Variants in GEMIN8 observed in about 807,000 individuals in gnomAD.
GEMIN8 encodes gem-associated protein 8.
For missense variants in GEMIN8, 185 were observed against 205.9 expected (o/e 0.90, Z 0.62); for synonymous variants, 80 against 78.5 (o/e 1.02, Z -0.10).
chrX:13,999,097 C>A, the GEMIN8 span, among the ~76,000 whole-genome samples: 1 of 110,648 alleles, frequency 9.0e-6, no homozygotes, highest in East Asian at 2.8e-4. Context: ...TTAAAGCCTT[C>A]TTATTTTGGA....
chrX:14,026,822 A>G (rs1052310115), intron 1 of GEMIN8, among the ~76,000 whole-genome samples: 1 of 112,819 alleles, frequency 8.9e-6, no homozygotes, highest in African/African-American at 3.2e-5. Flanking sequence ...TTTCTACTAG[A>G]ATTCTAAAAA....
chrX:13,991,955 G>C, the GEMIN8 span, among the ~76,000 whole-genome samples: 1 of 111,987 alleles, frequency 8.9e-6, no homozygotes, highest in African/African-American at 3.2e-5. Flanking sequence ...GCAATGAAGA[G>C]AAGCTTGAAG....
the GEMIN8 span, among the ~76,000 whole-genome samples, chrX:14,000,705 C>T: frequency 2.7e-5 from 3 of 111,107 alleles, no homozygotes; most frequent in East Asian, 8.4e-4. Flanking sequence ...GAAGATTTGT[C>T]TCTTCTCTCC....
chrX:14,017,825 T>C (rs1361218475), intron 4 of GEMIN8, among the ~76,000 whole-genome samples: 2 of 112,424 alleles, frequency 1.8e-5, no homozygotes, highest in African/African-American at 6.5e-5. Context: ...CAATTACCTC[T>C]GGAAAGACCC....
At chrX:14,018,681 T>C (rs1474288208) in intron 4 of GEMIN8, among the ~76,000 whole-genome samples, 1 of 111,985 alleles carries the variant, frequency 8.9e-6, no homozygotes, top group African/African-American at 3.2e-5. Context: ...AAGTATTCTG[T>C]GTGTAATAGA....
At chrX:14,001,807 G>A (rs1004400385), downstream of GEMIN8, among the ~76,000 whole-genome samples, 1 of 102,366 alleles carries the variant, frequency 9.8e-6, no homozygotes, top group Non-Finnish European at 2.0e-5. Context: ...CACCATGCCC[G>A]GCCCCAACAT....
chrX:14,026,584 G>A (rs1924709851), intron 1 of GEMIN8, among the ~76,000 whole-genome samples: 1 of 112,494 alleles, frequency 8.9e-6, no homozygotes. Flanking sequence ...GAGCTTTGTA[G>A]TTTTCAATGG....
At chrX:14,003,236 G>GT (rs1923032832), downstream of GEMIN8, among the ~76,000 whole-genome samples, 1 of 112,548 alleles carries the variant, frequency 8.9e-6, no homozygotes, top group African/African-American at 3.2e-5. Flanking sequence ...TTGAAGACAT[G>GT]TACCTTCCAC....
Position 14,008,885 on chromosome X carries a change from G to A in GEMIN8, c.*28C>T. Reference sequence around the variant, plus strand: ...AGAGCGTGTACCCAAAAGGAAGAAGGAGAGGCTGGGTACCCTGTGCCCTGA... The same window carrying A: ...AGAGCGTGTACCCAAAAGGAAGAAGAAGAGGCTGGGTACCCTGTGCCCTGA... On this transcript the variant is annotated 3_prime_UTR_variant, in exon 5 of 5. Coordinates refer to ENST00000680255, the MANE Select transcript of GEMIN8 (RefSeq NM_001042479.2). 3 of 1,189,916 alleles carry A rather than the reference G, an allele frequency of 2.5e-6. No individual in the cohort carries two copies. The highest frequency in any genetic ancestry group is 3.4e-6 in the Non-Finnish European group (3 of 878,779).
chrX:14,000,131 C>T, the GEMIN8 span, among the ~76,000 whole-genome samples: 1 of 108,445 alleles, frequency 9.2e-6, no homozygotes, highest in African/African-American at 3.4e-5. Context: ...ATAGTGAGGC[C>T]CCATCTCTTA....
chrX:13,985,317 G>A, the GEMIN8 span, among the ~76,000 whole-genome samples: 1 of 111,836 alleles, frequency 8.9e-6, no homozygotes, highest in Admixed American at 9.5e-5. Context: ...CAATGGGACT[G>A]CATTAGGAAG....
At chrX:14,014,196 G>A (rs1284294915) in intron 4 of GEMIN8, 1 of 749,029 alleles carries the variant, frequency 1.3e-6, no homozygotes, top group Non-Finnish European at 1.6e-6. Context: ...CCTAGGACTA[G>A]TACATCTTTC....
chrX:14,022,468 T>C (rs1455817531), intron 2 of GEMIN8, among the ~76,000 whole-genome samples: 4 of 112,010 alleles, frequency 3.6e-5, no homozygotes, highest in African/African-American at 9.7e-5. Flanking sequence ...CTCTGGCAAA[T>C]AGCATTGCTC....
At chrX:14,021,434 A>T in intron 3 of GEMIN8, 30 bp downstream of exon 3, 1 of 703,319 alleles carries the variant, frequency 1.4e-6, no homozygotes. Context: ...TTACGAGCTC[A>T]AAAAAAAAAT....
chrX:14,000,458 G>C, the GEMIN8 span, among the ~76,000 whole-genome samples: 2 of 110,286 alleles, frequency 1.8e-5, no homozygotes, highest in African/African-American at 6.6e-5. Context: ...TTAGCCAGGC[G>C]TGGTGGCGGG....
chrX:13,989,567 A>G, the GEMIN8 span, among the ~76,000 whole-genome samples: 1 of 112,938 alleles, frequency 8.9e-6, no homozygotes, highest in Non-Finnish European at 1.9e-5. Context: ...ACACAGAGCA[A>G]TGAAGAAACT....
At chrX:14,003,909 T>C (rs958469296), downstream of GEMIN8, among the ~76,000 whole-genome samples, 15 of 112,472 alleles carry the variant, frequency 1.3e-4, no homozygotes, top group Middle Eastern at 4.6e-3. Flanking sequence ...AAGTGAAAGA[T>C]AAACTACTTT....
At chrX:13,997,785 C>T in the GEMIN8 span, among the ~76,000 whole-genome samples, 1 of 108,311 alleles carries the variant, frequency 9.2e-6, no homozygotes, top group Non-Finnish European at 1.9e-5. Context: ...GCAATCCAAG[C>T]TACTCGGGAG....
the GEMIN8 span, among the ~76,000 whole-genome samples, chrX:13,991,089 T>C: frequency 8.9e-6 from 1 of 112,597 alleles, no homozygotes; most frequent in Non-Finnish European, 1.9e-5. Context: ...TGGAGTCATT[T>C]CTTTAACTCC....
Sources: allele counts gnomAD v4.1 joint callset (sites outside exome capture counted in the v4.1 genomes callset), GRCh38; gene constraint gnomAD v4.1.1; transcripts MANE v1.5; gene names NCBI Gene and HGNC (gene_info 2026-07-23, HGNC 2026-07-21).